PREX1: variants seen among roughly 807,000 people sequenced by gnomAD.
The protein encoded by PREX1 is phosphatidylinositol 3,4,5-trisphosphate-dependent Rac exchanger 1 protein.
In PREX1, 41 loss-of-function variants were observed where a neutral mutation model predicts 198.3. The observed-to-expected ratio is 0.21, with a 90% CI of 0.16 to 0.27. The LOEUF is 0.27. Ranked by LOEUF, PREX1 falls within the 10% of genes least tolerant of loss-of-function variation. The probability of loss-of-function intolerance (pLI) is 1.00; values close to 1 mark genes in which losing one functional copy is unlikely to be tolerated. For missense variants in PREX1, 1,620 were observed against 2,200.7 expected, an observed-to-expected ratio of 0.74 and a Z score of 5.28; for synonymous variants, 843 against 887.2, an observed-to-expected ratio of 0.95 and a Z score of 0.89.
intron 1 of PREX1, among the ~76,000 whole-genome samples, chr20:48,805,994 C>T (rs994096434): frequency 6.6e-6 from 1 of 152,222 alleles, no homozygotes; most frequent in Admixed American, 6.5e-5. Flanking sequence ...GGGCTTCTCC[C>T]GCTCAGTGCC....
At chr20:48,830,029 C>G (rs903825864), upstream of PREX1, among the ~76,000 whole-genome samples, 5 of 152,100 alleles carry the variant, frequency 3.3e-5, no homozygotes, top group Admixed American at 1.3e-4. Flanking sequence ...GTCCCCTACC[C>G]ACTAGATGCC....
chr20:48,873,371 T>C, the PREX1 span, among the ~76,000 whole-genome samples: 6 of 152,108 alleles, frequency 3.9e-5, no homozygotes, highest in Non-Finnish European at 8.8e-5. Flanking sequence ...TACGGCAGTC[T>C]AATCTACAGC....
intron 1 of PREX1, among the ~76,000 whole-genome samples, chr20:48,793,235 A>G (rs1003188565): frequency 4.6e-5 from 7 of 152,184 alleles, no homozygotes; most frequent in African/African-American, 1.4e-4. Flanking sequence ...ACATACATAA[A>G]TAAGTAGACT....
At chr20:48,854,665 C>T in the PREX1 span, among the ~76,000 whole-genome samples, 1 of 152,228 alleles carries the variant, frequency 6.6e-6, no homozygotes, top group African/African-American at 2.4e-5. Flanking sequence ...TCCATTGATA[C>T]TGGTATCACC....
At chr20:48,804,648 C>A (rs2123022140) in intron 1 of PREX1, among the ~76,000 whole-genome samples, 1 of 152,184 alleles carries the variant, frequency 6.6e-6, no homozygotes, top group Non-Finnish European at 1.5e-5. Flanking sequence ...TGTGGAGAAC[C>A]AGGGGCAAGG....
At chr20:48,856,044 C>T in the PREX1 span, among the ~76,000 whole-genome samples, 1 of 152,194 alleles carries the variant, frequency 6.6e-6, no homozygotes, top group Non-Finnish European at 1.5e-5. Context: ...GAGAAGGCCT[C>T]TTGGAAACAT....
Position 48,701,009 on chromosome 20 carries a change from T to C in PREX1, c.784-123A>G, listed in dbSNP as rs989884019. The C allele has an allele frequency of 1.1e-4, 143 of 1,330,380 alleles. 1 individual carries two copies. The highest frequency in any genetic ancestry group is 1.0e-3 in the South Asian group (79 of 77,494). 82.4% of individuals were successfully genotyped at this position (1,330,380 alleles called of 1,614,324 possible). ...AAAACTCCACCAGCAAGTCTGTCAATGGACAGAAAATCAACACAACGTGAT... is the reference window on the plus strand; with the variant it reads ...AAAACTCCACCAGCAAGTCTGTCAACGGACAGAAAATCAACACAACGTGAT... On this transcript the variant is annotated intron_variant, in intron 6 of 39. Coordinates refer to ENST00000371941, the MANE Select transcript of PREX1 (RefSeq NM_020820.4).
intron 15 of PREX1, among the ~76,000 whole-genome samples, chr20:48,661,445 ATATATAT>A (rs1469221236): frequency 1.9e-5 from 1 of 53,176 alleles, no homozygotes; most frequent in African/African-American, 1.3e-4. Flanking sequence ...AAAAAAAAAA[ATATATAT>A]ATATATATAT....
chr20:48,636,681 T>C lies in PREX1; in HGVS notation c.3949A>G (p.Thr1317Ala). The stretch of plus-strand genomic sequence containing the variant: ...GCGTCTCTGCGCAGCTGCAGCTCCG[T>C]GTCTGGGGGCAGAGGGCAGGAGGCC... The part of the protein sequence containing the change: ...LLLALLKCTD[T>A]ELQLRRDAIF... Residue 1317 changes from threonine to alanine, a missense_variant and splice_region_variant, in exon 32 of 40, where the codon ACG (threonine) becomes GCG (alanine). Around this residue, in one of 7 missense-constraint regions of PREX1, gnomAD observed 476 missense variants for 603.4 expected, o/e 0.79. Transcript: ENST00000371941. 6.2e-7 allele frequency: 1 copy of C among 1,600,510 alleles called. No homozygotes were observed. Among genetic ancestry groups the C allele is most frequent in the Non-Finnish European group, 8.5e-7 (1 of 1,173,966 alleles).
intron 1 of PREX1, among the ~76,000 whole-genome samples, chr20:48,816,101 G>A (rs1221306295): frequency 1.3e-5 from 2 of 150,732 alleles, no homozygotes; most frequent in East Asian, 1.9e-4. Flanking sequence ...TCTTACCAGC[G>A]AGGAAACCAC....
intron 39 of PREX1, among the ~76,000 whole-genome samples, chr20:48,626,245 C>A (rs1311795185): frequency 6.6e-6 from 1 of 152,160 alleles, no homozygotes; most frequent in African/African-American, 2.4e-5. Flanking sequence ...CAGCACTCTG[C>A]CCCTTACGCA....
intron 7 of PREX1, among the ~76,000 whole-genome samples, chr20:48,698,841 C>T (rs1396178718): frequency 6.6e-6 from 1 of 152,226 alleles, no homozygotes; most frequent in Non-Finnish European, 1.5e-5. Context: ...GTCCCAGGCA[C>T]ACTCACATAT....
chr20:48,821,201 TA>T (rs200190738), intron 1 of PREX1, among the ~76,000 whole-genome samples: 2 of 150,254 alleles, frequency 1.3e-5, no homozygotes, highest in African/African-American at 4.9e-5. Context: ...GACTCCATCT[TA>T]AAAAAAAACG....
chr20:48,653,577 C>T lies in PREX1; in HGVS notation c.2210-80G>A, dbSNP rs1177528660. On this transcript the variant is annotated intron_variant, in intron 19 of 39. Coordinates refer to ENST00000371941, the MANE Select transcript of PREX1 (RefSeq NM_020820.4). ...CTGAACACTGTCCCCCACCACCCACCACTGCAACCCCAGACACGCGCAAGG... is the reference window on the plus strand; with the variant it reads ...CTGAACACTGTCCCCCACCACCCACTACTGCAACCCCAGACACGCGCAAGG... 4.6e-6 allele frequency: 7 copies of T among 1,533,218 alleles called. No individual in the cohort carries two copies. In the African/African-American group the frequency reaches 6.8e-5, roughly 15 times the overall value. The allele number at this position is 1,533,218 out of a possible 1,614,324, so 95.0% of individuals were successfully genotyped here.
intron 31 of PREX1, among the ~76,000 whole-genome samples, chr20:48,636,995 T>C (rs527433348): frequency 6.6e-6 from 1 of 152,370 alleles, no homozygotes; most frequent in Non-Finnish European, 1.5e-5. Flanking sequence ...CCCTCAGCCA[T>C]TTCTCCTCTC....
chr20:48,769,509 C>T (rs2090225235), intron 1 of PREX1, among the ~76,000 whole-genome samples: 1 of 152,112 alleles, frequency 6.6e-6, no homozygotes, highest in African/African-American at 2.4e-5. Context: ...TGCTTAAAAT[C>T]CTCCAACAGA....
chr20:48,639,679 A>C, intron 30 of PREX1, 87 bp downstream of exon 30: 1 of 1,547,880 alleles, frequency 6.5e-7, no homozygotes, highest in Middle Eastern at 2.3e-4. Context: ...GGGGTCACAG[A>C]ACTGGATCCA....
Position 48,659,233 on chromosome 20 carries a change from A to AAAGG in PREX1, c.1881+682_1881+685dup, listed in dbSNP as rs373009346. On this transcript the variant is annotated intron_variant, in intron 16 of 39. Transcript: ENST00000371941. ...AGAAAGAAAGGGGAGGAGAGAAAGA[A>AAAGG]AAGGAAGGAAGGAAGGAAGGAAGGA... 2.1e-3 allele frequency among the ~76,000 whole-genome samples: 203 copies of AAAGG among 98,948 alleles called. 1 individual carries two copies. The highest frequency in any genetic ancestry group is 6.9e-3 in the East Asian group (22 of 3,186). 64.9% of individuals were successfully genotyped at this position (98,948 alleles called of 152,430 possible).
chr20:48,762,661 G>A (rs117739760), intron 1 of PREX1, among the ~76,000 whole-genome samples: 2,365 of 151,160 alleles, frequency 0.016, 28 homozygotes, highest in Non-Finnish European at 0.022. Flanking sequence ...ATGAAATGGG[G>A]ATATAAAAAT....
Sources: gnomAD v4.1 joint callset for allele counts (sites outside exome capture counted in the v4.1 genomes callset) on GRCh38, gnomAD v4.1.1 for gene constraint, gnomAD v4.1.1 regional missense constraint, MANE v1.5 for transcripts, NCBI Gene and HGNC (gene_info 2026-07-23, HGNC 2026-07-21) for gene names.